The following PPP1CA variants were observed in gnomAD, a reference collection of about 807,000 sequenced individuals.
The protein encoded by PPP1CA is protein phosphatase 1 catalytic subunit alpha, also known as serine/threonine-protein phosphatase PP1-alpha catalytic subunit.
Under a neutral mutation model 38.5 loss-of-function variants are expected in PPP1CA, and 14 were observed. That is an observed-to-expected ratio of 0.36 (90% CI 0.24 to 0.57). PPP1CA has a LOEUF of 0.57. Among genes scored for constraint, PPP1CA ranks in the 20% least tolerant of loss-of-function variants. The pLI is 0.80. For missense variants in PPP1CA, 277 were observed against 435.2 expected, an observed-to-expected ratio of 0.64 and a Z score of 3.23; for synonymous variants, 200 against 177.3, an observed-to-expected ratio of 1.13 and a Z score of -1.02.
Position 67,398,862 on chromosome 11 carries a change from C to A in PPP1CA, c.748-6G>T. ...TCGTAGCCGTCTTCTACCACCTGGG[C>A]GAGGATGGGAGCAGTCAGTCCCGAG... On this transcript the variant is annotated splice_polypyrimidine_tract_variant and splice_region_variant and intron_variant, in intron 5 of 6. Transcript: ENST00000376745. 6.2e-7 allele frequency: 1 copy of A among 1,612,272 alleles called. No individual in the cohort carries two copies.
At chr11:67,401,680 C>G in intron 1 of PPP1CA, 48 bp downstream of exon 1, 1 of 1,320,602 alleles carries the variant, frequency 7.6e-7, no homozygotes, top group Non-Finnish European at 9.7e-7. Flanking sequence ...CCGGGCCGGG[C>G]AGGGGGCCAG....
intron 3 of PPP1CA, 114 bp downstream of exon 3, chr11:67,400,575 G>T: frequency 9.4e-7 from 1 of 1,067,828 alleles, no homozygotes; most frequent in Non-Finnish European, 1.4e-6. Context: ...CCGCCTTCGT[G>T]GAGCGCACAG....
chr11:67,399,758 A>G (rs1862839137), intron 3 of PPP1CA, 93 bp from the exon 4 acceptor site: 10 of 1,013,946 alleles, frequency 9.9e-6, no homozygotes, highest in Admixed American at 4.0e-5. Context: ...GGAGAGAGTC[A>G]GGCACCGATG....
At chr11:67,401,621 G>T in intron 1 of PPP1CA, 107 bp downstream of exon 1, 3 of 1,041,452 alleles carry the variant, frequency 2.9e-6, no homozygotes, top group Non-Finnish European at 3.7e-6. Flanking sequence ...CTCGCTGCCC[G>T]TCCCCGCCCA....
At chr11:67,401,310 T>C in intron 1 of PPP1CA, 111 bp from the exon 2 acceptor site, 1 of 1,542,866 alleles carries the variant, frequency 6.5e-7, no homozygotes, top group Non-Finnish European at 8.8e-7. Context: ...GGCCCCTCCT[T>C]GCCCACAGGC....
At chr11:67,399,225 G>C in intron 4 of PPP1CA, 62 bp from the exon 5 acceptor site, 1 of 1,465,698 alleles carries the variant, frequency 6.8e-7, no homozygotes, top group Admixed American at 1.8e-5. Flanking sequence ...GGAAGCCTTG[G>C]CCAATGAACC....
In PPP1CA at chr11:67,399,210, C is replaced by G. The variant is rs753067955; in HGVS notation, c.524-47G>C. On this transcript the variant is annotated intron_variant, in intron 4 of 6. Coordinates refer to ENST00000376745, the MANE Select transcript of PPP1CA (RefSeq NM_002708.4). ...ACTTCCTCAAACAAGGACATCCTCC[C>G]TCCAGGAAGCCTTGGCCAATGAACC... The G allele has an allele frequency of 3.2e-6, 5 of 1,553,848 alleles. No individual in the cohort carries two copies. The South Asian group carries it at 5.6e-5, about 17-fold the overall frequency.
intron 3 of PPP1CA, among the ~76,000 whole-genome samples, chr11:67,399,870 T>C (rs561028500): frequency 1.2e-4 from 19 of 152,154 alleles, no homozygotes; most frequent in Non-Finnish European, 2.5e-4. Flanking sequence ...GCGCAGTGGC[T>C]AAGACCTGTA....
rs1032850369 is a variant in PPP1CA at position 67,401,679 on chromosome 11, G to A, written c.55+49C>T. 4 of 1,318,766 alleles carry A rather than the reference G, an allele frequency of 3.0e-6. No individual in the cohort carries two copies. In the African/African-American group the frequency reaches 4.6e-5, roughly 15 times the overall value. The allele number at this position is 1,318,766 out of a possible 1,614,324, so 81.7% of individuals were successfully genotyped here. ...CGCCCGCGCGCCACTTCCGGGCCGG[G>A]CAGGGGGCCAGGGCGCGGCGGACGC... is the stretch of plus-strand genomic sequence containing the variant. On this transcript the variant is annotated intron_variant, in intron 1 of 6. Coordinates refer to ENST00000376745, the MANE Select transcript of PPP1CA (RefSeq NM_002708.4).
chr11:67,401,814 T>A lies in PPP1CA; in HGVS notation c.-32A>T. The A allele has an allele frequency of 7.1e-7, 1 of 1,411,366 alleles. No individual in the cohort carries two copies. The highest frequency in any genetic ancestry group is 3.0e-5 in the East Asian group (1 of 33,428). The allele number at this position is 1,411,366 out of a possible 1,614,324, so 87.4% of individuals were successfully genotyped here. A position where few individuals can be genotyped will look rare whatever the true frequency, so the allele number is the denominator to read the frequency against. On this transcript the variant is annotated 5_prime_UTR_variant, in exon 1 of 7. Coordinates refer to ENST00000376745, the MANE Select transcript of PPP1CA (RefSeq NM_002708.4). ...GCCGCCGCTCCAGCCCAGCAGCTCC[T>A]GGCCCGCTCCTGCCTCCCGCCCTCC...
chr11:67,399,039 C>T lies in PPP1CA; in HGVS notation c.648G>A (p.Trp216Ter), dbSNP rs1862821724. The change falls in exon 5 of 7, where the codon TGG (tryptophan) becomes TGA (stop). Residue 216 changes from tryptophan (W) to a stop codon, truncating the protein, a stop_gained. Coordinates refer to ENST00000376745, the MANE Select transcript of PPP1CA (RefSeq NM_002708.4). LOFTEE classifies it high-confidence loss of function. ...WSDPDKDVQG[W>*]GENDRGVSFT... is the part of the protein sequence containing the mutation. ...AAGAGACGCCACGGTCGTTCTCGCC[C>T]CAGCCCTGCACGTCCTTGTCAGGGT... The T allele has an allele frequency of 1.2e-6, 2 of 1,613,630 alleles. No individual in the cohort carries two copies. Among genetic ancestry groups the T allele is most frequent in the Non-Finnish European group, 1.7e-6 (2 of 1,180,030 alleles).
At chr11:67,399,781 C>T (rs542558028) in intron 3 of PPP1CA, 116 bp from the exon 4 acceptor site, 18 of 717,476 alleles carry the variant, frequency 2.5e-5, no homozygotes, top group South Asian at 1.5e-4. Flanking sequence ...AACCACCCCC[C>T]ACCCCTGCCA....
chr11:67,401,207 G>A lies in PPP1CA; in HGVS notation c.56-8C>T, dbSNP rs775138519. ...CAGGCCGCGAGCCCTGCACTGGGGC[G>A]CAATGGGGTGTCAGGACCCTGGACC... On this transcript the variant is annotated splice_region_variant and splice_polypyrimidine_tract_variant and intron_variant, in intron 1 of 6. Coordinates refer to ENST00000376745, the MANE Select transcript of PPP1CA (RefSeq NM_002708.4). The A allele has an allele frequency of 6.2e-7, 1 of 1,613,636 alleles. No homozygotes were observed. The highest frequency in any genetic ancestry group is 1.7e-5 in the Admixed American group (1 of 60,034).
intron 3 of PPP1CA, among the ~76,000 whole-genome samples, chr11:67,400,225 G>C (rs993399252): frequency 6.6e-6 from 1 of 152,190 alleles, no homozygotes; most frequent in African/African-American, 2.4e-5. Flanking sequence ...GGAGCTTCTG[G>C]GTCCAAGGGA....
At chr11:67,399,270 G>T in intron 4 of PPP1CA, 107 bp from the exon 5 acceptor site, 2 of 1,054,626 alleles carry the variant, frequency 1.9e-6, no homozygotes, top group East Asian at 2.6e-5. Context: ...TCCCGCCACT[G>T]GTCTCCTGGG....
At chr11:67,401,683 G>A (rs778969582) in intron 1 of PPP1CA, 45 bp downstream of exon 1, 4 of 1,330,526 alleles carry the variant, frequency 3.0e-6, no homozygotes, top group Admixed American at 3.5e-5. Context: ...GGCCGGGCAG[G>A]GGGCCAGGGC....
chr11:67,398,833 G>T lies in PPP1CA; in HGVS notation c.771C>A (p.Phe257Leu), dbSNP rs779926444. ...AHQVVEDGYEFFAKRQLVTLF... is the reference protein window; with the variant it reads ...AHQVVEDGYELFAKRQLVTLF... ...GTGTCACCAGCTGCCGCTTGGCAAA[G>T]AACTCGTAGCCGTCTTCTACCACCT... Residue 257 changes from phenylalanine to leucine, a missense_variant, in exon 6 of 7, where the codon TTC becomes TTA. By Grantham distance (22) the Phe-to-Leu change is conservative (BLOSUM62 0). Around this residue, in one of 3 missense-constraint regions of PPP1CA, gnomAD observed 180 missense variants for 356.7 expected, o/e 0.50. Transcript: ENST00000376745. The T allele has an allele frequency of 6.2e-7, 1 of 1,613,376 alleles. No homozygotes were observed. Among genetic ancestry groups the T allele is most frequent in the Admixed American group, 1.7e-5 (1 of 60,028 alleles).
intron 4 of PPP1CA, 65 bp downstream of exon 4, chr11:67,399,496 G>C: frequency 7.0e-7 from 1 of 1,438,426 alleles, no homozygotes; most frequent in Non-Finnish European, 9.7e-7. Flanking sequence ...TGAGACCTAA[G>C]GAGAGCTGCC....
rs781685228 is a variant in PPP1CA at position 67,401,789 on chromosome 11, G to T, written c.-7C>A. 2 of 1,464,232 alleles carry T rather than the reference G, an allele frequency of 1.4e-6. No homozygotes were observed. Among genetic ancestry groups the T allele is most frequent in the African/African-American group, 1.5e-5 (1 of 68,706 alleles). The allele number at this position is 1,464,232 out of a possible 1,614,324, so 90.7% of individuals were successfully genotyped here. On this transcript the variant is annotated 5_prime_UTR_variant, in exon 1 of 7. Transcript: ENST00000376745. ...GCTTCTCGCTGTCGGACATGGCGGC[G>T]CCGCCGCTCCAGCCCAGCAGCTCCT...
Sources: allele counts gnomAD v4.1 joint callset (sites outside exome capture counted in the v4.1 genomes callset), GRCh38; gene constraint gnomAD v4.1.1; regional missense constraint gnomAD v4.1.1; transcripts MANE v1.5; gene names NCBI Gene and HGNC (gene_info 2026-07-23, HGNC 2026-07-21).